Variants in COBL observed in about 807,000 individuals in gnomAD.
The protein encoded by COBL is cordon-bleu WH2 repeat protein, also known as protein cordon-bleu.
In COBL, 51 loss-of-function variants were observed where a neutral mutation model predicts 98.8. The observed-to-expected ratio is 0.52, with a 90% CI of 0.41 to 0.65. COBL has a LOEUF of 0.65. COBL is among the 30% of genes least tolerant of loss of function. The pLI is 0.00. For missense variants in COBL, 1,617 were observed against 1,617.5 expected, an observed-to-expected ratio of 1.00 and a Z score of 0.01; for synonymous variants, 634 against 651.7, an observed-to-expected ratio of 0.97 and a Z score of 0.41.
intron 1 of COBL, among the ~76,000 whole-genome samples, chr7:51,237,563 A>T (rs1203211024): frequency 6.9e-6 from 1 of 145,672 alleles, no homozygotes; most frequent in Non-Finnish European, 1.5e-5. Flanking sequence ...AAAACTTCCA[A>T]AATAGGAGAG....
At chr7:51,309,635 A>C (rs1802827447) in intron 1 of COBL, among the ~76,000 whole-genome samples, 1 of 152,080 alleles carries the variant, frequency 6.6e-6, no homozygotes, top group Admixed American at 6.5e-5. Flanking sequence ...TTGAAAGAGG[A>C]CTCTAGAATA....
chr7:51,110,838 T>G (rs1007208171), intron 6 of COBL, among the ~76,000 whole-genome samples: 1 of 152,230 alleles, frequency 6.6e-6, no homozygotes, highest in Non-Finnish European at 1.5e-5. Context: ...GTCTCCAATC[T>G]CATCCAGGTC....
rs150000783 is a variant in COBL at position 51,293,098 on chromosome 7, G to A, written c.41+23495C>T. Among the ~76,000 whole-genome samples the A allele has an allele frequency of 2.7e-3, 417 of 152,324 alleles. 2 individuals carry two copies. The highest frequency in any genetic ancestry group is 4.1e-3 in the Non-Finnish European group (276 of 68,034). On this transcript the variant is annotated intron_variant, in intron 1 of 12. Coordinates refer to ENST00000265136, the MANE Select transcript of COBL (RefSeq NM_015198.5). ...TAATTCTCATCCACTGCTAGAAGAG[G>A]AAGAAACAATTACTTTGGAAAACAG... is the stretch of plus-strand genomic sequence containing the variant.
At position 51,192,807 on chromosome 7, in the gene COBL, T is replaced by C. The variant is rs150980752; in HGVS notation, c.456+572A>G. On this transcript the variant is annotated intron_variant, in intron 3 of 12. Coordinates refer to ENST00000265136, the MANE Select transcript of COBL (RefSeq NM_015198.5). The stretch of plus-strand genomic sequence containing the variant: ...TCTGGGAAGATGTTTAAATCTTCTA[T>C]GGATACCAACTGCTTCCTGAGTCAG... Among the ~76,000 whole-genome samples the C allele has an allele frequency of 3.3e-5, 5 of 152,324 alleles. No individual in the cohort carries two copies. In the East Asian group the frequency reaches 5.8e-4, roughly 18 times the overall value.
intron 2 of COBL, among the ~76,000 whole-genome samples, chr7:51,195,270 G>T (rs1175963647): frequency 6.6e-6 from 1 of 152,096 alleles, no homozygotes; most frequent in Non-Finnish European, 1.5e-5. Context: ...TATTGAATAG[G>T]GAGTTATTTC....
At chr7:51,186,549 C>T (rs1222271578) in intron 4 of COBL, among the ~76,000 whole-genome samples, 1 of 152,216 alleles carries the variant, frequency 6.6e-6, no homozygotes, top group Non-Finnish European at 1.5e-5. Flanking sequence ...AGTGGCTGAT[C>T]ATCACCTCTA....
At chr7:51,073,393 G>T (rs1226062009) in intron 7 of COBL, 1 of 677,944 alleles carries the variant, frequency 1.5e-6, no homozygotes, top group Non-Finnish European at 2.7e-6. Context: ...AAACTGCGGG[G>T]GGAAAATAAA....
At chr7:51,135,430 C>A (rs1401694132) in intron 6 of COBL, among the ~76,000 whole-genome samples, 1 of 152,042 alleles carries the variant, frequency 6.6e-6, no homozygotes, top group African/African-American at 2.4e-5. Context: ...AGATGGATGA[C>A]CAGAGGACCG....
At chr7:51,298,319 G>T (rs988376100) in intron 1 of COBL, among the ~76,000 whole-genome samples, 2 of 152,224 alleles carry the variant, frequency 1.3e-5, no homozygotes, top group African/African-American at 4.8e-5. Flanking sequence ...GCTAAGATTA[G>T]GGAGACTTGC....
intron 5 of COBL, among the ~76,000 whole-genome samples, chr7:51,151,785 G>A (rs1017737838): frequency 6.6e-6 from 1 of 152,226 alleles, no homozygotes; most frequent in Non-Finnish European, 1.5e-5. Flanking sequence ...TTAGGACAGA[G>A]CTTTGAATCA....
chr7:51,191,861 T>C (rs554300741), intron 3 of COBL, among the ~76,000 whole-genome samples: 3 of 152,250 alleles, frequency 2.0e-5, no homozygotes, highest in East Asian at 3.9e-4. Flanking sequence ...ACACAGTAAA[T>C]GTAGATTGAA....
intron 5 of COBL, among the ~76,000 whole-genome samples, chr7:51,159,976 T>C (rs1339480635): frequency 6.6e-6 from 1 of 152,218 alleles, no homozygotes; most frequent in Non-Finnish European, 1.5e-5. Flanking sequence ...CACTACAACC[T>C]CCGCCTCCCG....
In COBL at chr7:51,045,698, G is replaced by A. The variant is rs563618858; in HGVS notation, c.1097-2006C>T. Among the ~76,000 whole-genome samples the A allele has an allele frequency of 7.9e-5, 12 of 152,252 alleles. No individual in the cohort carries two copies. In the South Asian group the frequency reaches 2.1e-3, roughly 26 times the overall value. ...GCCCTCTGGAGGCACAGAACACATC[G>A]CAGGGCAGAGGGACTCTAACCCACC... On this transcript the variant is annotated intron_variant, in intron 7 of 12. Coordinates refer to ENST00000265136, the MANE Select transcript of COBL (RefSeq NM_015198.5).
intron 8 of COBL, chr7:51,031,247 G>C: frequency 4.4e-6 from 1 of 228,232 alleles, no homozygotes. Flanking sequence ...TCACTCTGCA[G>C]ACTGAAGTCA....
chr7:51,275,075 A>G (rs767476773), intron 1 of COBL, among the ~76,000 whole-genome samples: 2 of 152,218 alleles, frequency 1.3e-5, no homozygotes, highest in Non-Finnish European at 2.9e-5. Context: ...GAAGCAACAA[A>G]GACAGGGCTG....
At chr7:51,116,496 T>A (rs769105824) in intron 6 of COBL, among the ~76,000 whole-genome samples, 2 of 152,156 alleles carry the variant, frequency 1.3e-5, no homozygotes. Flanking sequence ...ATTACACTTA[T>A]AGAGATTATA....
intron 5 of COBL, among the ~76,000 whole-genome samples, chr7:51,158,902 C>T (rs1786479180): frequency 6.6e-6 from 1 of 151,530 alleles, no homozygotes; most frequent in African/African-American, 2.4e-5. Context: ...GAAGGCACAG[C>T]GCCGGGGACA....
intron 2 of COBL, among the ~76,000 whole-genome samples, chr7:51,200,937 C>T (rs1401299495): frequency 6.6e-6 from 1 of 151,946 alleles, no homozygotes; most frequent in African/African-American, 2.4e-5. Flanking sequence ...AATGATATTT[C>T]ATGAAAAAGG....
chr7:51,112,039 T>A (rs943609465), intron 6 of COBL, among the ~76,000 whole-genome samples: 3 of 152,182 alleles, frequency 2.0e-5, no homozygotes, highest in African/African-American at 7.2e-5. Flanking sequence ...CGGGGACCAC[T>A]AAGAACAAGT....
Sources: allele counts gnomAD v4.1 joint callset (sites outside exome capture counted in the v4.1 genomes callset), GRCh38; gene constraint gnomAD v4.1.1; transcripts MANE v1.5; gene names NCBI Gene and HGNC (gene_info 2026-07-23, HGNC 2026-07-21).